CHSY3: variants seen among roughly 807,000 people sequenced by gnomAD.
CHSY3 encodes N-acetylgalactosaminyl-proteoglycan 3-beta-glucuronosyltransferase 3.
CHSY3 carries 35 observed loss-of-function variants against 67.2 expected under a neutral mutation model. That is an observed-to-expected ratio of 0.52 (90% confidence interval 0.40 to 0.69). The LOEUF (loss-of-function observed/expected upper bound fraction) is 0.69, where lower values mean the gene tolerates loss of function less well. Ranked by LOEUF, CHSY3 falls within the 30% of genes least tolerant of loss-of-function variation. The pLI is 0.00. For synonymous variants in CHSY3, 474 were observed against 434.7 expected (o/e 1.09, Z -1.12); for missense variants, 1,069 against 1,138.5 (o/e 0.94, Z 0.88).
At chr5:129,960,322 T>C (rs1026747259) in intron 2 of CHSY3, among the ~76,000 whole-genome samples, 3 of 152,094 alleles carry the variant, frequency 2.0e-5, no homozygotes, top group Non-Finnish European at 2.9e-5. Flanking sequence ...AAAAATGACA[T>C]GGTGAATACA....
rs145386697 is a variant in CHSY3, at chr5:130,130,622, C to T, written c.1087-53607C>T. ...TGATGTTCACTGTCAGCATTACTTC[C>T]TGCACTTCACTTGATCATAGACATC... On this transcript the variant is annotated intron_variant, in intron 2 of 2. Transcript: ENST00000305031. 3.2e-3 allele frequency among the ~76,000 whole-genome samples: 486 copies of T among 152,238 alleles called. 9 individuals carry two copies. The highest frequency in any genetic ancestry group is 0.023 in the Admixed American group (355 of 15,278).
rs562676057 is a variant in CHSY3, at chr5:129,920,818, T to C, written c.1086+12458T>C. ...CCTTAGCAACCCCACCATAAGATTT[T>C]TTTTTTTCTTTTTTATTTAAGACTG... On this transcript the variant is annotated intron_variant, in intron 2 of 2. Transcript: ENST00000305031. Among the ~76,000 whole-genome samples the C allele has an allele frequency of 3.3e-5, 5 of 152,152 alleles. No individual in the cohort carries two copies. The South Asian group carries it at 1.0e-3, about 32-fold the overall frequency.
intron 2 of CHSY3, among the ~76,000 whole-genome samples, chr5:129,959,033 C>T (rs539494633): frequency 1.3e-5 from 2 of 152,188 alleles, no homozygotes; most frequent in East Asian, 1.9e-4. Flanking sequence ...ATTCAAATTT[C>T]AGCTTGAATC....
chr5:129,950,930 A>G (rs535919890), intron 2 of CHSY3, among the ~76,000 whole-genome samples: 2 of 152,328 alleles, frequency 1.3e-5, no homozygotes, highest in South Asian at 2.1e-4. Flanking sequence ...AATACAAAAA[A>G]TCCTGAATAG....
chr5:130,030,886 T>C (rs1312062583), intron 2 of CHSY3, among the ~76,000 whole-genome samples: 1 of 152,114 alleles, frequency 6.6e-6, no homozygotes, highest in East Asian at 1.9e-4. Flanking sequence ...TAAGGCTTGT[T>C]ATAATACATT....
At chr5:129,918,852 A>C (rs1185796473) in intron 2 of CHSY3, among the ~76,000 whole-genome samples, 1 of 150,916 alleles carries the variant, frequency 6.6e-6, no homozygotes, top group Non-Finnish European at 1.5e-5. Flanking sequence ...TCACGCCTGT[A>C]ATCCCAGCAC....
chr5:129,997,112 C>G (rs1323011833), intron 2 of CHSY3, among the ~76,000 whole-genome samples: 1 of 120,018 alleles, frequency 8.3e-6, no homozygotes, highest in Non-Finnish European at 1.8e-5. Flanking sequence ...TCAGATGATT[C>G]AAAGCATTTA....
rs116826297 is a variant in CHSY3, at chr5:130,103,139, C to T, written c.1087-81090C>T. Among the ~76,000 whole-genome samples the T allele has an allele frequency of 7.8e-3, 1,186 of 152,090 alleles. 13 individuals carry two copies. Among genetic ancestry groups the T allele is most frequent in the African/African-American group, 0.026 (1,094 of 41,516 alleles). ...TATGGCAGAGACTAGTTACAAGACTCCTACTGGGAACAAGCCACTTTCAGA... is the reference window on the plus strand; with the variant it reads ...TATGGCAGAGACTAGTTACAAGACTTCTACTGGGAACAAGCCACTTTCAGA... On this transcript the variant is annotated intron_variant, in intron 2 of 2. Transcript: ENST00000305031.
At chr5:129,942,892 A>T (rs1761740488) in intron 2 of CHSY3, among the ~76,000 whole-genome samples, 1 of 151,666 alleles carries the variant, frequency 6.6e-6, no homozygotes, top group Non-Finnish European at 1.5e-5. Flanking sequence ...TTATTGACTC[A>T]TGTGTTTATC....
At chr5:130,014,297 C>A (rs1423213622) in intron 2 of CHSY3, among the ~76,000 whole-genome samples, 1 of 152,192 alleles carries the variant, frequency 6.6e-6, no homozygotes, top group East Asian at 1.9e-4. Context: ...TTTACAGCAG[C>A]ACCCACTCCT....
chr5:130,061,288 G>A (rs1220714978), intron 2 of CHSY3, among the ~76,000 whole-genome samples: 1 of 152,056 alleles, frequency 6.6e-6, no homozygotes, highest in East Asian at 1.9e-4. Flanking sequence ...CTTTGACAAA[G>A]TTGACAAAAA....
intron 2 of CHSY3, among the ~76,000 whole-genome samples, chr5:129,932,116 A>ATGTG (rs1267963976): frequency 3.5e-5 from 1 of 28,824 alleles, no homozygotes; most frequent in African/African-American, 7.3e-5. Flanking sequence ...ATATATATAT[A>ATGTG]TATATATATA....
chr5:129,996,897 T>C (rs938199282), intron 2 of CHSY3, among the ~76,000 whole-genome samples: 1 of 152,202 alleles, frequency 6.6e-6, no homozygotes, highest in Non-Finnish European at 1.5e-5. Context: ...AGAAGATATA[T>C]TATTTCACTT....
At chr5:129,951,906 T>C (rs778590505) in intron 2 of CHSY3, among the ~76,000 whole-genome samples, 17 of 152,342 alleles carry the variant, frequency 1.1e-4, no homozygotes, top group Non-Finnish European at 2.4e-4. Context: ...AGCTTTACAT[T>C]ACTAGCACAG....
intron 2 of CHSY3, among the ~76,000 whole-genome samples, chr5:130,005,960 G>A (rs540211168): frequency 1.3e-5 from 2 of 152,160 alleles, no homozygotes; most frequent in Admixed American, 6.5e-5. Flanking sequence ...CAGATAATGG[G>A]AATCCTGGAG....
chr5:129,951,440 G>A (rs1009642137), intron 2 of CHSY3, among the ~76,000 whole-genome samples: 2 of 152,076 alleles, frequency 1.3e-5, no homozygotes, highest in African/African-American at 2.4e-5. Flanking sequence ...ATTTTAAAAG[G>A]CACATTTACA....
At chr5:129,939,625 T>C (rs956173392) in intron 2 of CHSY3, among the ~76,000 whole-genome samples, 1 of 152,242 alleles carries the variant, frequency 6.6e-6, no homozygotes, top group Non-Finnish European at 1.5e-5. Context: ...TGGAAAGTCT[T>C]GTCTATCTGA....
chr5:129,987,937 T>A (rs559045321), intron 2 of CHSY3, among the ~76,000 whole-genome samples: 1 of 152,302 alleles, frequency 6.6e-6, no homozygotes, highest in East Asian at 1.9e-4. Context: ...CTATTTCAAA[T>A]CATTCTTAAA....
chr5:130,064,096 G>A (rs1311992574), intron 2 of CHSY3, among the ~76,000 whole-genome samples: 2 of 152,082 alleles, frequency 1.3e-5, no homozygotes, highest in South Asian at 2.1e-4. Flanking sequence ...GTCACAGGAG[G>A]CTTTGCAGAT....
Sources: gnomAD v4.1 joint callset for allele counts (sites outside exome capture counted in the v4.1 genomes callset) on GRCh38, gnomAD v4.1.1 for gene constraint, MANE v1.5 for transcripts, NCBI Gene and HGNC (gene_info 2026-07-23, HGNC 2026-07-21) for gene names.